The following HDAC9 variants were observed in gnomAD, a reference collection of about 807,000 sequenced individuals.
HDAC9 encodes MEF-2 interacting transcription repressor (MITR) protein.
Under a neutral mutation model 139.4 loss-of-function variants are expected in HDAC9, and 41 were observed. That is an observed-to-expected ratio of 0.29 (90% CI 0.23 to 0.38). The LOEUF is 0.38. HDAC9 is among the 10% of genes least tolerant of loss of function. The pLI is 1.00. For synonymous variants in HDAC9, 517 were observed against 476.2 expected, an observed-to-expected ratio of 1.09 and a Z score of -1.12; for missense variants, 1,147 against 1,297.0, an observed-to-expected ratio of 0.88 and a Z score of 1.78.
intron 7 of HDAC9, among the ~76,000 whole-genome samples, chr7:18,632,931 G>C (rs985864323): frequency 1.3e-5 from 2 of 152,032 alleles, no homozygotes; most frequent in African/African-American, 4.8e-5. Flanking sequence ...TGAAAAAATA[G>C]AGATATGCAG....
chr7:18,858,311 A>T (rs1797842793), intron 21 of HDAC9, among the ~76,000 whole-genome samples: 1 of 152,194 alleles, frequency 6.6e-6, no homozygotes. Context: ...ACGTGGCTGC[A>T]TGTTCTGCAT....
chr7:18,121,771 T>A (rs532796943), intron 1 of HDAC9, among the ~76,000 whole-genome samples: 53 of 152,248 alleles, frequency 3.5e-4, no homozygotes, highest in Middle Eastern at 3.4e-3. Context: ...AGTCTTACTG[T>A]TTTATAATAA....
intron 1 of HDAC9, among the ~76,000 whole-genome samples, chr7:18,142,593 A>T (rs559478459): frequency 1.3e-5 from 2 of 152,320 alleles, no homozygotes; most frequent in African/African-American, 4.8e-5. Context: ...TTAATTCCCT[A>T]GTTGTTTCTC....
intron 23 of HDAC9, among the ~76,000 whole-genome samples, chr7:18,947,903 G>A (rs1436010853): frequency 6.6e-6 from 1 of 151,428 alleles, no homozygotes; most frequent in African/African-American, 2.4e-5. Flanking sequence ...ATAAAAATTG[G>A]GTTTACTCTA....
intron 3 of HDAC9, among the ~76,000 whole-genome samples, chr7:18,588,924 T>C (rs1355687162): frequency 6.6e-6 from 1 of 152,178 alleles, no homozygotes; most frequent in Non-Finnish European, 1.5e-5. Flanking sequence ...TTTAGGATTT[T>C]GGATTTTCAG....
intron 2 of HDAC9, among the ~76,000 whole-genome samples, chr7:18,563,036 G>A (rs888904269): frequency 2.0e-5 from 3 of 151,720 alleles, no homozygotes; most frequent in African/African-American, 7.3e-5. Context: ...ATTTATTTTG[G>A]TTGTATTTAC....
At chr7:18,889,941 G>A (rs1183589439) in intron 22 of HDAC9, among the ~76,000 whole-genome samples, 1 of 152,186 alleles carries the variant, frequency 6.6e-6, no homozygotes, top group Non-Finnish European at 1.5e-5. Context: ...CTGTGCTCAA[G>A]TGAGCCTCTT....
chr7:18,682,034 G>T (rs529698745), intron 12 of HDAC9, among the ~76,000 whole-genome samples: 1 of 151,858 alleles, frequency 6.6e-6, no homozygotes. Flanking sequence ...TAGAATAAAA[G>T]GTTAAATTTA....
intron 12 of HDAC9, chr7:18,666,879 G>A: frequency 2.0e-6 from 2 of 1,007,602 alleles, no homozygotes; most frequent in Non-Finnish European, 2.4e-6. Context: ...CTCCCAGTCT[G>A]ATCAATGAAG....
intron 1 of HDAC9, among the ~76,000 whole-genome samples, chr7:18,399,237 G>A (rs1206806488): frequency 1.3e-5 from 2 of 152,088 alleles, no homozygotes; most frequent in African/African-American, 4.8e-5. Context: ...ATTTCTATAA[G>A]CTTTTTATCA....
intron 1 of HDAC9, among the ~76,000 whole-genome samples, chr7:18,328,299 C>T (rs543011051): frequency 6.6e-6 from 1 of 151,920 alleles, no homozygotes; most frequent in Non-Finnish European, 1.5e-5. Flanking sequence ...GGGCTGGACT[C>T]ACAGTTTCTA....
At chr7:18,275,012 C>T (rs542650371) in intron 2 of HDAC9, among the ~76,000 whole-genome samples, 1 of 152,128 alleles carries the variant, frequency 6.6e-6, no homozygotes, top group Admixed American at 6.6e-5. Context: ...TATGTCTAGC[C>T]CAGGCAGCTT....
At chr7:18,706,710 G>A (rs1016426586) in intron 12 of HDAC9, among the ~76,000 whole-genome samples, 1 of 152,146 alleles carries the variant, frequency 6.6e-6, no homozygotes, top group Non-Finnish European at 1.5e-5. Context: ...AGTGGGTAGA[G>A]GTAAAGGGTG....
chr7:18,555,002 A>G (rs934220518), intron 2 of HDAC9, among the ~76,000 whole-genome samples: 1 of 152,246 alleles, frequency 6.6e-6, no homozygotes, highest in African/African-American at 2.4e-5. Context: ...CAATTAACTG[A>G]CCTGAACTTG....
chr7:18,414,278 AT>A (rs1562964554), intron 1 of HDAC9, among the ~76,000 whole-genome samples: 1 of 152,090 alleles, frequency 6.6e-6, no homozygotes, highest in Non-Finnish European at 1.5e-5. Flanking sequence ...TCACAATGAT[AT>A]TGACCATTAT....
intron 13 of HDAC9, among the ~76,000 whole-genome samples, chr7:18,747,996 A>C (rs1299411924): frequency 6.6e-6 from 1 of 152,178 alleles, no homozygotes; most frequent in African/African-American, 2.4e-5. Flanking sequence ...AACTTCTTAT[A>C]ATGGGTGTTC....
intron 1 of HDAC9, among the ~76,000 whole-genome samples, chr7:18,315,591 A>C (rs639943): frequency 6.6e-6 from 1 of 152,084 alleles, no homozygotes; most frequent in Non-Finnish European, 1.5e-5. Flanking sequence ...CTTGAAATTT[A>C]TTTCTGTAGA....
intron 12 of HDAC9, among the ~76,000 whole-genome samples, chr7:18,711,993 T>C (rs1784380253): frequency 6.6e-6 from 1 of 151,440 alleles, no homozygotes; most frequent in Non-Finnish European, 1.5e-5. Context: ...CAAACTCATA[T>C]CAATCAATGC....
intron 18 of HDAC9, 58 bp from the exon 19 acceptor site, chr7:18,829,403 A>G: frequency 1.5e-6 from 2 of 1,340,790 alleles, no homozygotes; most frequent in Non-Finnish European, 2.1e-6. Context: ...AACATTATTT[A>G]TAATGGTTTT....
Sources: gnomAD v4.1 joint callset for allele counts (sites outside exome capture counted in the v4.1 genomes callset) on GRCh38, gnomAD v4.1.1 for gene constraint, MANE v1.5 for transcripts, NCBI Gene and HGNC (gene_info 2026-07-23, HGNC 2026-07-21) for gene names.